Variants in TBC1D9B observed in about 807,000 individuals in gnomAD.
TBC1D9B encodes TBC1 domain family, member 9B (with GRAM domain).
In TBC1D9B, 87 loss-of-function variants were observed where a neutral mutation model predicts 121.1. The observed-to-expected ratio is 0.72, with a 90% confidence interval of 0.60 to 0.86. The LOEUF (loss-of-function observed/expected upper bound fraction) is 0.86. TBC1D9B is among the 40% of genes least tolerant of loss of function. TBC1D9B has a pLI of 0.00. For synonymous variants in TBC1D9B, 668 were observed against 670.1 expected (o/e 1.00, Z 0.05); for missense variants, 1,540 against 1,628.6 (o/e 0.95, Z 0.94).
chr5:179,875,130 A>T lies in TBC1D9B; in HGVS notation c.1958T>A (p.Leu653His). 1 of 1,613,922 alleles carries T rather than the reference A, an allele frequency of 6.2e-7. No individual in the cohort carries two copies. The highest frequency in any genetic ancestry group is 8.5e-7 in the Non-Finnish European group (1 of 1,180,022). Residue 653 changes from leucine (L) to histidine (H), a missense_variant, in exon 12 of 21, where the codon CTC becomes CAC. Coordinates refer to ENST00000355235, the MANE Select transcript of TBC1D9B (RefSeq NM_015043.4). This position sits in a 1 kb window ranked among gnomAD's most constrained non-coding sequence, Gnocchi z 4.5. ...EELTRDFLPQLSEKMQDLGVI... is the reference protein window; with the variant it reads ...EELTRDFLPQHSEKMQDLGVI... ...CCCCAGGTCCTGCATCTTCTCCGAG[A>T]GCTGCGGCAGGAAGTCTCTCGTGAG...
rs752154290 is a variant in TBC1D9B, at chr5:179,893,359, GAGA to G, written c.683_685del (p.Phe228del). 8.7e-6 allele frequency: 14 copies of G among 1,614,216 alleles called. No homozygotes were observed. The highest frequency in any genetic ancestry group is 2.2e-5 in the East Asian group (1 of 44,894). On this transcript the variant is annotated inframe_deletion, in exon 5 of 21. Transcript: ENST00000355235. Reference sequence around the variant, plus strand: ...GGTCTCGCCGATGTTGAGGAACATGGAGAAGAAGAGCTCCTGGTCGCGGGTGTC... The same window carrying G: ...GGTCTCGCCGATGTTGAGGAACATGGAGAAGAGCTCCTGGTCGCGGGTGTC...
Position 179,907,134 on chromosome 5 carries a change from G to A in TBC1D9B, c.118+570C>T. 6.6e-6 allele frequency among the ~76,000 whole-genome samples: 1 copy of A among 152,200 alleles called. No homozygotes were observed. The highest frequency in any genetic ancestry group is 1.9e-4 in the East Asian group (1 of 5,180). On this transcript the variant is annotated intron_variant, in intron 1 of 20. Coordinates refer to ENST00000355235, the MANE Select transcript of TBC1D9B (RefSeq NM_015043.4). This position sits in a 1 kb window ranked among gnomAD's most constrained non-coding sequence, Gnocchi z 5.3. ...TGCCGCTACCCACAGCCTTGGGTGCGCAGCTCTGAGAGCAGCCAGGAGCAG... is the reference window on the plus strand; with the variant it reads ...TGCCGCTACCCACAGCCTTGGGTGCACAGCTCTGAGAGCAGCCAGGAGCAG...
chr5:179,891,541 G>C lies in TBC1D9B; in HGVS notation c.882C>G (p.Phe294Leu). The C allele has an allele frequency of 6.2e-7, 1 of 1,613,930 alleles. No homozygotes were observed. The highest frequency in any genetic ancestry group is 8.5e-7 in the Non-Finnish European group (1 of 1,179,988). The part of the protein sequence containing the change: ...RAKNECYRAT[F>L]RLPRDERLDG... Reference sequence around the variant, plus strand: ...CTAGCCGCTCATCCCTGGGCAGCCGGAACGTGGCTCGGTAGCACTCATTCT... The same window carrying C: ...CTAGCCGCTCATCCCTGGGCAGCCGCAACGTGGCTCGGTAGCACTCATTCT... The change falls in exon 6 of 21, where the codon TTC becomes TTG. Residue 294 changes from phenylalanine to leucine, a missense_variant. By Grantham distance (22) the Phe-to-Leu change is conservative (BLOSUM62 0). Coordinates refer to ENST00000355235, the MANE Select transcript of TBC1D9B (RefSeq NM_015043.4). The surrounding 1 kb of genome is among the most constrained non-coding windows in gnomAD (Gnocchi z 4.3).
intron 7 of TBC1D9B, among the ~76,000 whole-genome samples, chr5:179,880,437 C>T (rs1331136552): frequency 1.3e-5 from 2 of 152,244 alleles, no homozygotes; most frequent in Admixed American, 6.5e-5. Flanking sequence ...GGCAGGTGGT[C>T]GATTCCCCAT....
Position 179,879,066 on chromosome 5 carries a change from C to T in TBC1D9B, c.1548G>A (p.Glu516=). 1 of 1,603,854 alleles carries T rather than the reference C, an allele frequency of 6.2e-7. No individual in the cohort carries two copies. The highest frequency in any genetic ancestry group is 8.5e-7 in the Non-Finnish European group (1 of 1,179,862). The change falls in exon 9 of 21, where the codon GAG becomes GAA. Residue 516 remains glutamate, a synonymous_variant. Coordinates refer to ENST00000355235, the MANE Select transcript of TBC1D9B (RefSeq NM_015043.4). ...ACTCACCGGAGAAGAGGAGCCACAG[C>T]TCTCCCCGGAGGCTCTCAGGGATAC... The part of the protein sequence containing the change: ...LKGIPESLRG[E]LWLLFSGAWN...
chr5:179,893,582 CTG>C (rs1166519400), intron 4 of TBC1D9B, 115 bp from the exon 5 acceptor site: 1 of 1,389,014 alleles, frequency 7.2e-7, no homozygotes, highest in African/African-American at 1.4e-5. Flanking sequence ...GCAGCACTTC[CTG>C]TGTGCCCAGG....
At position 179,862,720 on chromosome 5, in the gene TBC1D9B, AG is replaced by A. The variant is rs1414067813; in HGVS notation, c.*727del. 2 of 419,954 alleles carry A rather than the reference AG, an allele frequency of 4.8e-6. No homozygotes were observed. The highest frequency in any genetic ancestry group is 1.5e-4 in the East Asian group (2 of 13,592). 26.0% of individuals were successfully genotyped at this position (419,954 alleles called of 1,614,324 possible). ...TAAGCAGTGGTTGGGGGCCACAGCA[AG>A]GCATTGCACACAGTGGTTTTTATTT... is the stretch of plus-strand genomic sequence containing the variant. On this transcript the variant is annotated 3_prime_UTR_variant, in exon 21 of 21. Coordinates refer to ENST00000355235, the MANE Select transcript of TBC1D9B (RefSeq NM_015043.4).
At chr5:179,900,188 C>G (rs1376932376) in intron 2 of TBC1D9B, among the ~76,000 whole-genome samples, 1 of 152,108 alleles carries the variant, frequency 6.6e-6, no homozygotes, top group Non-Finnish European at 1.5e-5. Flanking sequence ...AAAGTGAGAC[C>G]TCGTCTCAAA....
chr5:179,879,428 A>AACAGC, intron 8 of TBC1D9B, 200 bp downstream of exon 8: 1 of 1,019,336 alleles, frequency 9.8e-7, no homozygotes, highest in Non-Finnish European at 1.4e-6. Flanking sequence ...GTCCGTGGCA[A>AACAGC]ACAGCACACT....
intron 2 of TBC1D9B, among the ~76,000 whole-genome samples, chr5:179,901,967 G>A (rs1427884770): frequency 6.6e-6 from 1 of 152,180 alleles, no homozygotes; most frequent in East Asian, 1.9e-4. Flanking sequence ...TCAGAACACA[G>A]TGGAGACAGG....
rs745825227 is a variant in TBC1D9B at position 179,870,444 on chromosome 5, G to A, written c.2536C>T (p.Arg846Cys). The part of the protein sequence containing the change: ...YWGCSRTMAG[R>C]RDPSLPYLEQ... ...AGGTAGGGCAGGCTGGGGTCCCGAC[G>A]GCCGGCCATTGTGCGGCTGCACCCC... The change falls in exon 16 of 21, where the codon CGT becomes TGT. Residue 846 changes from arginine to cysteine, a missense_variant. Coordinates refer to ENST00000355235, the MANE Select transcript of TBC1D9B (RefSeq NM_015043.4). 1.2e-5 allele frequency: 19 copies of A among 1,613,052 alleles called. No individual in the cohort carries two copies. The highest frequency in any genetic ancestry group is 1.6e-4 in the Middle Eastern group (1 of 6,062).
At chr5:179,892,169 A>G (rs1014200490) in intron 5 of TBC1D9B, among the ~76,000 whole-genome samples, 7 of 152,164 alleles carry the variant, frequency 4.6e-5, no homozygotes, top group African/African-American at 1.7e-4. Context: ...CCCCAAAGGG[A>G]GCCTCCTGCC....
Position 179,904,850 on chromosome 5 carries a change from G to T in TBC1D9B, c.119-38C>A. The T allele has an allele frequency of 1.3e-6, 2 of 1,487,398 alleles. No homozygotes were observed. Among genetic ancestry groups the T allele is most frequent in the Non-Finnish European group, 1.8e-6 (2 of 1,101,778 alleles). The allele number at this position is 1,487,398 out of a possible 1,614,324, so 92.1% of individuals were successfully genotyped here. On this transcript the variant is annotated intron_variant, in intron 1 of 20. Coordinates refer to ENST00000355235, the MANE Select transcript of TBC1D9B (RefSeq NM_015043.4). This position sits in a 1 kb window ranked among gnomAD's most constrained non-coding sequence, Gnocchi z 4.2. Reference sequence around the variant, plus strand: ...CAGAGAGACATAGAGGGTGAGGGGAGGGCCGGACTGAGGCCCCTGAAGGCT... The same window carrying T: ...CAGAGAGACATAGAGGGTGAGGGGATGGCCGGACTGAGGCCCCTGAAGGCT...
rs974080353 is a variant in TBC1D9B, at chr5:179,904,277, T to G, written c.229+425A>C. On this transcript the variant is annotated intron_variant, in intron 2 of 20. Transcript: ENST00000355235. This position sits in a 1 kb window ranked among gnomAD's most constrained non-coding sequence, Gnocchi z 4.2. ...TCTCGCTGTGTCGCCCAGGCTGGAG[T>G]GCAGTGGCGCGATCTCGGCTCACTG... 7.1e-6 allele frequency among the ~76,000 whole-genome samples: 1 copy of G among 139,864 alleles called. No individual in the cohort carries two copies. Among genetic ancestry groups the G allele is most frequent in the Admixed American group, 7.9e-5 (1 of 12,670 alleles). The allele number at this position is 139,864 out of a possible 152,430, so 91.8% of individuals were successfully genotyped here. A position where few individuals can be genotyped will look rare whatever the true frequency, so the allele number is the denominator to read the frequency against.
chr5:179,884,168 C>A (rs781187959), intron 7 of TBC1D9B, among the ~76,000 whole-genome samples: 17 of 152,120 alleles, frequency 1.1e-4, no homozygotes, highest in Admixed American at 1.0e-3. Context: ...GGATTTTGTG[C>A]TTCCATTAAT....
At chr5:179,879,593 T>C in intron 8 of TBC1D9B, 35 bp downstream of exon 8, 1 of 1,613,236 alleles carries the variant, frequency 6.2e-7, no homozygotes, top group Non-Finnish European at 8.5e-7. Flanking sequence ...GCTCCGCTCT[T>C]GACGGAGGCT....
At position 179,871,483 on chromosome 5, in the gene TBC1D9B, C is replaced by T; in HGVS notation, c.2463G>A (p.Glu821=). Residue 821 remains glutamate, a synonymous_variant, in exon 15 of 21, where the codon GAG becomes GAA. Coordinates refer to ENST00000355235, the MANE Select transcript of TBC1D9B (RefSeq NM_015043.4). ...VDIGFSIEEL[E]DLYMVFKAKH... Reference sequence around the variant, plus strand: ...TCACCTTAAACACCATGTAAAGGTCCTCCAGCTCTTCAATGGAGAAACCAA... The same window carrying T: ...TCACCTTAAACACCATGTAAAGGTCTTCCAGCTCTTCAATGGAGAAACCAA... 1.9e-6 allele frequency: 3 copies of T among 1,613,182 alleles called. No homozygotes were observed. The highest frequency in any genetic ancestry group is 1.7e-6 in the Non-Finnish European group (2 of 1,179,684).
intron 7 of TBC1D9B, among the ~76,000 whole-genome samples, chr5:179,881,993 G>A (rs1760557200): frequency 7.0e-6 from 1 of 142,424 alleles, no homozygotes; most frequent in Non-Finnish European, 1.5e-5. Context: ...CACCCAGGCA[G>A]GAGTACAGAG....
At position 179,875,126 on chromosome 5, in the gene TBC1D9B, C is replaced by T. The variant is rs780086928; in HGVS notation, c.1962G>A (p.Ser654=). The change falls in exon 12 of 21, where the codon TCG becomes TCA. Residue 654 remains serine (S), a synonymous_variant. Transcript: ENST00000355235. The surrounding 1 kb of genome is among the most constrained non-coding windows in gnomAD (Gnocchi z 4.5). ...TCACCCCCAGGTCCTGCATCTTCTC[C>T]GAGAGCTGCGGCAGGAAGTCTCTCG... ...ELTRDFLPQL[S]EKMQDLGVIS... is the part of the protein sequence containing the mutation. 3.5e-5 allele frequency: 56 copies of T among 1,613,852 alleles called. No homozygotes were observed. The highest frequency in any genetic ancestry group is 2.5e-4 in the African/African-American group (19 of 74,922).
Sources: allele counts gnomAD v4.1 joint callset (sites outside exome capture counted in the v4.1 genomes callset), GRCh38; gene constraint gnomAD v4.1.1; non-coding constraint Gnocchi (gnomAD v3.1); transcripts MANE v1.5; gene names NCBI Gene and HGNC (gene_info 2026-07-23, HGNC 2026-07-21).